Variants in FMN2 observed in about 807,000 individuals in gnomAD.
The protein encoded by FMN2 is formin 2.
Under a neutral mutation model 142.3 loss-of-function variants are expected in FMN2, and 51 were observed. The ratio of observed to expected loss-of-function variants is 0.36; its 90% CI spans 0.29 to 0.45. The LOEUF (loss-of-function observed/expected upper bound fraction) is 0.45, where lower values mean the gene tolerates loss of function less well. Ranked by LOEUF, FMN2 falls within the 20% of genes least tolerant of loss-of-function variation. The pLI is 1.00. For synonymous variants in FMN2, 882 were observed against 869.8 expected (o/e 1.01, Z -0.25); for missense variants, 1,936 against 2,122.8 (o/e 0.91, Z 1.73).
intron 15 of FMN2, among the ~76,000 whole-genome samples, chr1:240,431,861 A>G (rs1434037851): frequency 6.6e-6 from 1 of 151,222 alleles, no homozygotes; most frequent in Non-Finnish European, 1.5e-5. Context: ...ATTTGATTTG[A>G]TGATGTTTTA....
chr1:240,116,312 C>T (rs570618143), intron 1 of FMN2, among the ~76,000 whole-genome samples: 1 of 152,246 alleles, frequency 6.6e-6, no homozygotes, highest in African/African-American at 2.4e-5. Context: ...TTAGTGCGTT[C>T]ACAAAGGTCT....
chr1:240,203,132 G>C (rs1235196646), intron 4 of FMN2, among the ~76,000 whole-genome samples: 1 of 152,110 alleles, frequency 6.6e-6, no homozygotes. Context: ...TTGGGTGCTG[G>C]TTTTTTGGCT....
chr1:240,333,817 T>C, intron 11 of FMN2, 70 bp from the exon 12 acceptor site: 2 of 1,218,026 alleles, frequency 1.6e-6, no homozygotes. Context: ...CACTAGAATC[T>C]TTTTTGGTAA....
chr1:240,260,957 A>G (rs187561897), intron 7 of FMN2, among the ~76,000 whole-genome samples: 5 of 152,160 alleles, frequency 3.3e-5, no homozygotes, highest in Admixed American at 2.6e-4. Context: ...ATCCAGTTTC[A>G]TTCTCCTACA....
intron 8 of FMN2, among the ~76,000 whole-genome samples, chr1:240,319,583 A>G (rs2102998276): frequency 6.6e-6 from 1 of 152,334 alleles, no homozygotes; most frequent in East Asian, 1.9e-4. Context: ...TCAGGGATTT[A>G]AGTTAGTGTC....
chr1:240,211,976 C>T (rs1666706860), intron 6 of FMN2, among the ~76,000 whole-genome samples: 1 of 152,138 alleles, frequency 6.6e-6, no homozygotes, highest in African/African-American at 2.4e-5. Context: ...TGGTGCCCGT[C>T]TTTACCCTGA....
intron 6 of FMN2, among the ~76,000 whole-genome samples, chr1:240,236,882 A>C (rs1667730344): frequency 6.6e-6 from 1 of 152,186 alleles, no homozygotes; most frequent in Non-Finnish European, 1.5e-5. Context: ...CAGCCATATA[A>C]AAATTAAACT....
At chr1:240,323,361 AT>A (rs1372810269) in intron 8 of FMN2, among the ~76,000 whole-genome samples, 1 of 151,870 alleles carries the variant, frequency 6.6e-6, no homozygotes. Context: ...CGCCCGGCTA[AT>A]TTTTTGTATT....
At chr1:240,180,957 CT>C (rs913855322) in intron 3 of FMN2, among the ~76,000 whole-genome samples, 78 of 149,072 alleles carry the variant, frequency 5.2e-4, no homozygotes, top group Non-Finnish European at 7.8e-4. Context: ...AAATTGAGGA[CT>C]TTTTTTTTTC....
Position 240,122,369 on chromosome 1 carries a change from C to T in FMN2, c.1616-810C>T, listed in dbSNP as rs117152728. 1.1e-3 allele frequency among the ~76,000 whole-genome samples: 172 copies of T among 152,156 alleles called. 3 individuals carry two copies. The East Asian group carries it at 0.03, about 27-fold the overall frequency. On this transcript the variant is annotated intron_variant, in intron 1 of 17. Coordinates refer to ENST00000319653, the MANE Select transcript of FMN2 (RefSeq NM_020066.5). ...ACCTCCGCCACCCAGCTTCAAGCTC[C>T]GCCACCCAGGTTCAAGCAATTCTCT...
intron 16 of FMN2, among the ~76,000 whole-genome samples, chr1:240,439,283 G>GAA (rs56092805): frequency 1.5e-5 from 1 of 65,446 alleles, no homozygotes; most frequent in Non-Finnish European, 3.6e-5. Context: ...AAAAAAAAAA[G>GAA]AAAGAAAGAA....
At chr1:240,321,414 G>A (rs1670968301) in intron 8 of FMN2, among the ~76,000 whole-genome samples, 1 of 152,114 alleles carries the variant, frequency 6.6e-6, no homozygotes, top group Admixed American at 6.6e-5. Context: ...GATTACAGAT[G>A]GTATTTTTAA....
chr1:240,170,176 A>G (rs1664645241), intron 2 of FMN2: 2 of 1,035,908 alleles, frequency 1.9e-6, no homozygotes, highest in East Asian at 2.6e-5. Flanking sequence ...GGACATGGTG[A>G]ACCAGGTTAT....
chr1:240,239,089 G>T (rs189910354), intron 6 of FMN2, among the ~76,000 whole-genome samples: 1 of 152,236 alleles, frequency 6.6e-6, no homozygotes, highest in East Asian at 1.9e-4. Flanking sequence ...CTCTATACTT[G>T]AGTTTCGTTC....
chr1:240,265,893 AAG>A (rs1211495390), intron 7 of FMN2, among the ~76,000 whole-genome samples: 2 of 150,664 alleles, frequency 1.3e-5, no homozygotes, highest in African/African-American at 4.9e-5. Context: ...GGCAACCAGT[AAG>A]AGAGATAACT....
intron 16 of FMN2, among the ~76,000 whole-genome samples, chr1:240,450,901 G>A (rs1024374132): frequency 9.2e-5 from 14 of 152,158 alleles, no homozygotes; most frequent in Admixed American, 7.2e-4. Context: ...CCACCATGGC[G>A]TTGTGTGGAA....
In FMN2 at chr1:240,261,294, C is replaced by T. The variant is rs530269777; in HGVS notation, c.4153+3262C>T. 2.2e-4 allele frequency among the ~76,000 whole-genome samples: 33 copies of T among 151,284 alleles called. 1 individual carries two copies. The highest frequency in any genetic ancestry group is 4.4e-4 in the Non-Finnish European group (30 of 67,974). On this transcript the variant is annotated intron_variant, in intron 7 of 17. Transcript: ENST00000319653. ...TGGTCCAGTTACCCTCTCAGTATCA[C>T]GCAGCTCATTAATGAAATGGATTGA...
intron 15 of FMN2, among the ~76,000 whole-genome samples, chr1:240,428,620 GT>G (rs1675038287): frequency 1.3e-5 from 2 of 152,254 alleles, no homozygotes; most frequent in Middle Eastern, 3.4e-3. Context: ...ATTTTGAACA[GT>G]TTTTTTCCTC....
At chr1:240,397,232 G>T (rs777631889) in intron 15 of FMN2, among the ~76,000 whole-genome samples, 13 of 152,254 alleles carry the variant, frequency 8.5e-5, no homozygotes, top group Admixed American at 5.9e-4. Context: ...TTCCATGTTT[G>T]TTGGCCACTT....
Sources: gnomAD v4.1 joint callset for allele counts (sites outside exome capture counted in the v4.1 genomes callset) on GRCh38, gnomAD v4.1.1 for gene constraint, MANE v1.5 for transcripts, NCBI Gene and HGNC (gene_info 2026-07-23, HGNC 2026-07-21) for gene names.